PTPRT: variants seen among roughly 807,000 people sequenced by gnomAD.
PTPRT encodes the protein receptor-type tyrosine-protein phosphatase T.
A neutral mutation model predicts 176.8 loss-of-function variants in PTPRT; 56 were observed. The ratio of observed to expected loss-of-function variants is 0.32; its 90% CI spans 0.26 to 0.40. The LOEUF (loss-of-function observed/expected upper bound fraction) is 0.40. Ranked by LOEUF, PTPRT falls within the 10% of genes least tolerant of loss-of-function variation. The pLI, the probability that PTPRT is intolerant of heterozygous loss-of-function variation, is 1.00. For missense variants in PTPRT, 1,540 were observed against 1,908.2 expected (o/e 0.81, Z 3.60); for synonymous variants, 783 against 739.0 (o/e 1.06, Z -0.96).
intron 15 of PTPRT, among the ~76,000 whole-genome samples, chr20:42,210,045 A>C (rs1217537070): frequency 6.6e-6 from 1 of 152,178 alleles, no homozygotes; most frequent in Non-Finnish European, 1.5e-5. Context: ...AAAGACAAAA[A>C]CCACATGATT....
At chr20:42,795,693 T>C (rs17749365) in intron 2 of PTPRT, among the ~76,000 whole-genome samples, 44,581 of 152,046 alleles carry the variant, frequency 0.29, 8,319 homozygotes, top group Non-Finnish European at 0.42. Context: ...CAAGCAGCTG[T>C]GGTGACATGA....
At chr20:42,989,574 T>A (rs1371864171) in intron 1 of PTPRT, among the ~76,000 whole-genome samples, 2 of 152,142 alleles carry the variant, frequency 1.3e-5, no homozygotes, top group Non-Finnish European at 2.9e-5. Context: ...AAACGAGTAT[T>A]GGTTTATTAT....
chr20:42,990,554 C>T (rs1983850493), intron 1 of PTPRT, among the ~76,000 whole-genome samples: 1 of 152,138 alleles, frequency 6.6e-6, no homozygotes, highest in South Asian at 2.1e-4. Context: ...ACCCTACGAC[C>T]TAGGTTTACC....
At chr20:42,818,658 C>A (rs894721412) in intron 2 of PTPRT, among the ~76,000 whole-genome samples, 4 of 152,084 alleles carry the variant, frequency 2.6e-5, no homozygotes, top group Admixed American at 6.5e-5. Context: ...ACTAGAATAA[C>A]CAGTTTAGAG....
intron 7 of PTPRT, among the ~76,000 whole-genome samples, chr20:42,497,309 C>A (rs1385450589): frequency 1.3e-5 from 2 of 152,018 alleles, no homozygotes; most frequent in Non-Finnish European, 2.9e-5. Flanking sequence ...CATTTTTCCC[C>A]CCCAGAATAA....
chr20:42,616,524 T>A (rs1243272328), intron 7 of PTPRT, among the ~76,000 whole-genome samples: 17 of 127,886 alleles, frequency 1.3e-4, no homozygotes, highest in Admixed American at 2.2e-4. Flanking sequence ...TAAATTACCT[T>A]GGGCAGTATG....
In PTPRT at chr20:42,115,180, C is replaced by A. The variant is rs760592062; in HGVS notation, c.3099+19G>T. ...GCTCTCATGGTGGACCGGCTGCCCA[C>A]AGCCTCCAAGAAGCTTACCTTCTGG... On this transcript the variant is annotated intron_variant, in intron 22 of 30. Coordinates refer to ENST00000373187, the MANE Select transcript of PTPRT (RefSeq NM_007050.6). The A allele has an allele frequency of 1.9e-6, 3 of 1,586,248 alleles. No homozygotes were observed. Among genetic ancestry groups the A allele is most frequent in the African/African-American group, 2.7e-5 (2 of 74,336 alleles).
At chr20:43,032,669 G>T (rs1302874993) in intron 1 of PTPRT, among the ~76,000 whole-genome samples, 1 of 152,006 alleles carries the variant, frequency 6.6e-6, no homozygotes, top group Non-Finnish European at 1.5e-5. Flanking sequence ...TTAGCCCCCC[G>T]CAGAGCGTCA....
chr20:42,422,301 T>C (rs1298605544), intron 9 of PTPRT, among the ~76,000 whole-genome samples: 2 of 152,144 alleles, frequency 1.3e-5, no homozygotes, highest in Admixed American at 6.5e-5. Context: ...TTTCAAACTA[T>C]GCATCTGACA....
chr20:42,276,555 A>ATATATG (rs2057042170), intron 13 of PTPRT, among the ~76,000 whole-genome samples: 1 of 82,374 alleles, frequency 1.2e-5, no homozygotes, highest in Non-Finnish European at 2.4e-5. Context: ...ATATATATAT[A>ATATATG]TATAATGTTC....
intron 1 of PTPRT, among the ~76,000 whole-genome samples, chr20:42,988,635 C>A (rs1983729808): frequency 6.6e-6 from 1 of 152,224 alleles, no homozygotes; most frequent in South Asian, 2.1e-4. Context: ...AGCAGAGCCA[C>A]TGACTTTTTA....
chr20:42,471,008 T>C (rs2071186147), intron 8 of PTPRT, among the ~76,000 whole-genome samples: 1 of 152,038 alleles, frequency 6.6e-6, no homozygotes, highest in Non-Finnish European at 1.5e-5. Context: ...GTGCAGTTCA[T>C]TGAGATAAGG....
intron 8 of PTPRT, among the ~76,000 whole-genome samples, chr20:42,455,587 T>C (rs1263535412): frequency 6.6e-6 from 1 of 152,198 alleles, no homozygotes; most frequent in Non-Finnish European, 1.5e-5. Flanking sequence ...ACTCTTTTAA[T>C]AAAATGTCCT....
chr20:42,232,082 G>C (rs962629341), intron 15 of PTPRT, among the ~76,000 whole-genome samples: 1 of 152,076 alleles, frequency 6.6e-6, no homozygotes, highest in African/African-American at 2.4e-5. Context: ...AAAGCTCCAC[G>C]TGTGCAGGAA....
intron 1 of PTPRT, among the ~76,000 whole-genome samples, chr20:42,901,738 GC>G (rs2079407228): frequency 6.6e-6 from 1 of 152,092 alleles, no homozygotes; most frequent in African/African-American, 2.4e-5. Context: ...CACTCCTCCT[GC>G]CCCATTAAGG....
In PTPRT at chr20:42,208,103, G is replaced by C. The variant is rs1357571319; in HGVS notation, c.2343-8715C>G. Among the ~76,000 whole-genome samples the C allele has an allele frequency of 6.5e-3, 832 of 127,472 alleles. 5 individuals carry two copies. Among genetic ancestry groups the C allele is most frequent in the African/African-American group, 0.025 (787 of 31,424 alleles). The allele number at this position is 127,472 out of a possible 152,430, so 83.6% of individuals were successfully genotyped here. The stretch of plus-strand genomic sequence containing the variant: ...AGACAAGCAAATGCTGAGAGATTTT[G>C]TCACCACCAGGCCTGCCCTAAAAGA... On this transcript the variant is annotated intron_variant, in intron 15 of 30. Transcript: ENST00000373187.
chr20:42,941,264 C>T (rs1261434015), intron 1 of PTPRT, among the ~76,000 whole-genome samples: 2 of 152,104 alleles, frequency 1.3e-5, no homozygotes, highest in Non-Finnish European at 2.9e-5. Context: ...CTGCAGTTTC[C>T]TCATCAATGA....
chr20:43,034,403 T>C (rs928805924), intron 1 of PTPRT, among the ~76,000 whole-genome samples: 1 of 152,028 alleles, frequency 6.6e-6, no homozygotes, highest in Non-Finnish European at 1.5e-5. Flanking sequence ...GTATGTGTTG[T>C]AGGCTGGGGA....
intron 16 of PTPRT, among the ~76,000 whole-genome samples, chr20:42,175,532 C>A (rs761295705): frequency 3.9e-5 from 6 of 152,114 alleles, no homozygotes; most frequent in Non-Finnish European, 7.3e-5. Context: ...TGAGTAGGGG[C>A]AGGGGATGGC....
Sources: allele counts gnomAD v4.1 joint callset (sites outside exome capture counted in the v4.1 genomes callset), GRCh38; gene constraint gnomAD v4.1.1; transcripts MANE v1.5; gene names NCBI Gene and HGNC (gene_info 2026-07-23, HGNC 2026-07-21).